Variants in PLD5 observed in about 807,000 individuals in gnomAD.
PLD5 encodes the protein inactive phospholipase D5.
A neutral mutation model predicts 61.1 loss-of-function variants in PLD5; 36 were observed. The observed-to-expected ratio is 0.59, with a 90% CI of 0.45 to 0.78. The LOEUF is 0.78. PLD5 is among the 30% of genes least tolerant of loss of function. The pLI is 0.00. For synonymous variants in PLD5, 243 were observed against 242.8 expected (o/e 1.00, Z -0.01); for missense variants, 515 against 644.4 (o/e 0.80, Z 2.17).
At chr1:242,382,664 G>T (rs1393078135) in intron 1 of PLD5, among the ~76,000 whole-genome samples, 2 of 152,142 alleles carry the variant, frequency 1.3e-5, no homozygotes, top group Non-Finnish European at 2.9e-5. Flanking sequence ...ACTGAACAAT[G>T]AATGGAAAAT....
chr1:242,397,770 T>C (rs1254228166), intron 1 of PLD5, among the ~76,000 whole-genome samples: 1 of 78,176 alleles, frequency 1.3e-5, no homozygotes, highest in East Asian at 2.1e-4. Context: ...GCACGTCTTT[T>C]TCTTCTTCTT....
At chr1:242,231,715 A>C (rs1671312526) in intron 4 of PLD5, among the ~76,000 whole-genome samples, 1 of 152,220 alleles carries the variant, frequency 6.6e-6, no homozygotes, top group South Asian at 2.1e-4. Flanking sequence ...ATTTTTAAAA[A>C]TCCAAAACAA....
At chr1:242,173,368 G>C (rs1338894862) in intron 5 of PLD5, among the ~76,000 whole-genome samples, 4 of 152,176 alleles carry the variant, frequency 2.6e-5, no homozygotes, top group Non-Finnish European at 2.9e-5. Context: ...TCTTCAAGGA[G>C]AACTACAAAC....
At chr1:242,345,690 C>A in intron 2 of PLD5, 3 of 751,374 alleles carry the variant, frequency 4.0e-6, no homozygotes, top group Admixed American at 3.6e-5. Context: ...TGTCCTCAGA[C>A]CCTATCAGGA....
At chr1:242,292,753 T>C (rs1313235192) in intron 2 of PLD5, among the ~76,000 whole-genome samples, 1 of 152,244 alleles carries the variant, frequency 6.6e-6, no homozygotes, top group Non-Finnish European at 1.5e-5. Context: ...GGTATGGTTA[T>C]AGACAACATT....
intron 1 of PLD5, among the ~76,000 whole-genome samples, chr1:242,496,058 T>G (rs1456181859): frequency 6.6e-6 from 1 of 152,252 alleles, no homozygotes; most frequent in Non-Finnish European, 1.5e-5. Context: ...CAATTATCAT[T>G]GGCAAGGAAA....
intron 1 of PLD5, among the ~76,000 whole-genome samples, chr1:242,368,734 T>C (rs1375473644): frequency 6.6e-6 from 1 of 152,208 alleles, no homozygotes; most frequent in Non-Finnish European, 1.5e-5. Flanking sequence ...ATGGTGAACA[T>C]GCCTGGCCGC....
intron 1 of PLD5, among the ~76,000 whole-genome samples, chr1:242,439,238 G>A (rs1400366243): frequency 1.3e-5 from 2 of 152,192 alleles, no homozygotes; most frequent in African/African-American, 4.8e-5. Flanking sequence ...ATTGCATGTG[G>A]GGAAGGAGCC....
intron 1 of PLD5, chr1:242,449,378 C>T (rs1481033439): frequency 6.5e-7 from 1 of 1,536,144 alleles, no homozygotes; most frequent in East Asian, 2.4e-5. Flanking sequence ...TTCCTTCCCT[C>T]CCTGCGGAGT....
At chr1:242,131,949 C>G (rs1663292312) in intron 5 of PLD5, among the ~76,000 whole-genome samples, 1 of 150,438 alleles carries the variant, frequency 6.6e-6, no homozygotes, top group African/African-American at 2.5e-5. Context: ...ATTCTCCTGC[C>G]TCAGCCTCCC....
intron 5 of PLD5, among the ~76,000 whole-genome samples, chr1:242,156,180 C>T (rs1324493501): frequency 6.6e-6 from 1 of 151,824 alleles, no homozygotes; most frequent in Non-Finnish European, 1.5e-5. Context: ...AACTCCTGCT[C>T]TTTTTTTGCT....
At chr1:242,167,200 TATA>T (rs1169387322) in intron 5 of PLD5, among the ~76,000 whole-genome samples, 1 of 151,996 alleles carries the variant, frequency 6.6e-6, no homozygotes, top group East Asian at 1.9e-4. Context: ...CAGTGACAAC[TATA>T]ATAACTAACT....
chr1:242,119,686 C>T (rs894158822), intron 6 of PLD5, among the ~76,000 whole-genome samples: 2 of 151,976 alleles, frequency 1.3e-5, no homozygotes, highest in Non-Finnish European at 1.5e-5. Flanking sequence ...CAAGTGTTGC[C>T]GAGGATGTGG....
In PLD5 at chr1:242,519,185, G is replaced by A. The variant is rs1669201655; in HGVS notation, c.189+4903C>T. On this transcript the variant is annotated intron_variant, in intron 1 of 9. Transcript: ENST00000536534. ...TTCTGGCGCTTAACGGATCCACCCT[G>A]TGGGGTACAGTATTTTCATGGATCT... 2.0e-5 allele frequency among the ~76,000 whole-genome samples: 3 copies of A among 152,212 alleles called. No homozygotes were observed. The South Asian group carries it at 6.2e-4, about 32-fold the overall frequency.
chr1:242,313,886 GT>G (rs1252613862), intron 2 of PLD5, among the ~76,000 whole-genome samples: 1 of 152,048 alleles, frequency 6.6e-6, no homozygotes, highest in African/African-American at 2.4e-5. Context: ...CCATTGCAGG[GT>G]TTTCAAGGTG....
At position 242,524,394 on chromosome 1, in the gene PLD5, G is replaced by A; in HGVS notation, c.-118C>T. ...AGCCGGAGGTGGAGCTGGAGACTGAGCTGGAGGAGCTGGAGGAGCGAGCGG... is the reference window on the plus strand; with the variant it reads ...AGCCGGAGGTGGAGCTGGAGACTGAACTGGAGGAGCTGGAGGAGCGAGCGG... On this transcript the variant is annotated 5_prime_UTR_variant, in exon 1 of 10. Transcript: ENST00000536534. 1 of 918,772 alleles carries A rather than the reference G, an allele frequency of 1.1e-6. No individual in the cohort carries two copies. The highest frequency in any genetic ancestry group is 1.4e-6 in the Non-Finnish European group (1 of 696,362). 56.9% of individuals were successfully genotyped at this position (918,772 alleles called of 1,614,324 possible). A position where few individuals can be genotyped will look rare whatever the true frequency, so the allele number is the denominator to read the frequency against.
intron 1 of PLD5, among the ~76,000 whole-genome samples, chr1:242,394,186 ATATATGAG>A (rs1663200433): frequency 1.3e-5 from 1 of 78,716 alleles, no homozygotes; most frequent in Non-Finnish European, 2.4e-5. Context: ...ATATATGAGT[ATATATGAG>A]TATATATATG....
intron 9 of PLD5, among the ~76,000 whole-genome samples, chr1:242,096,098 A>G (rs527815043): frequency 6.6e-6 from 1 of 151,842 alleles, no homozygotes; most frequent in South Asian, 2.1e-4. Flanking sequence ...AGCTGGGAAT[A>G]CAGGTGCCCG....
At chr1:242,130,860 A>G (rs748856306) in intron 5 of PLD5, among the ~76,000 whole-genome samples, 5 of 151,912 alleles carry the variant, frequency 3.3e-5, no homozygotes, top group African/African-American at 7.3e-5. Context: ...ATTTATAGCT[A>G]ATTATTCTTT....
Sources: allele counts gnomAD v4.1 joint callset (sites outside exome capture counted in the v4.1 genomes callset), GRCh38; gene constraint gnomAD v4.1.1; transcripts MANE v1.5; gene names NCBI Gene and HGNC (gene_info 2026-07-23, HGNC 2026-07-21).